Variants in GPHN observed in about 807,000 individuals in gnomAD.
GPHN encodes the protein gephyrin.
A neutral mutation model predicts 95.5 loss-of-function variants in GPHN; 17 were observed. The observed-to-expected ratio is 0.18, with a 90% CI of 0.12 to 0.27. The LOEUF is 0.27. GPHN is among the 10% of genes least tolerant of loss of function. The pLI is 1.00. For missense variants in GPHN, 660 were observed against 978.1 expected (o/e 0.67, Z 4.34); for synonymous variants, 320 against 322.5 (o/e 0.99, Z 0.08).
chr14:67,393,016 A>G, the GPHN span: 45 of 881,072 alleles, frequency 5.1e-5, no homozygotes, highest in South Asian at 6.2e-4. Flanking sequence ...ACACCCACAC[A>G]TGGCCATCTC....
chr14:66,717,020 A>G (rs2070246777), intron 2 of GPHN, among the ~76,000 whole-genome samples: 1 of 152,122 alleles, frequency 6.6e-6, no homozygotes, highest in Non-Finnish European at 1.5e-5. Flanking sequence ...TAAATTTTCC[A>G]GGTGTTCTTT....
the GPHN span, chr14:67,360,002 A>T: frequency 3.8e-6 from 2 of 531,098 alleles, no homozygotes; most frequent in South Asian, 5.2e-5. Flanking sequence ...CGGCTGCGCA[A>T]TACGCGGCAC....
At chr14:67,053,642 C>G (rs1385292302) in intron 10 of GPHN, among the ~76,000 whole-genome samples, 3 of 152,152 alleles carry the variant, frequency 2.0e-5, no homozygotes. Context: ...ATATCAAAAC[C>G]TGGCAGAGAT....
the GPHN span, among the ~76,000 whole-genome samples, chr14:67,504,614 C>T: frequency 5.9e-5 from 9 of 152,090 alleles, no homozygotes; most frequent in Non-Finnish European, 1.0e-4. Flanking sequence ...AGGCCATGTG[C>T]GGTGGCTCAC....
At chr14:67,100,392 T>TA (rs1252043966) in intron 12 of GPHN, among the ~76,000 whole-genome samples, 2 of 152,200 alleles carry the variant, frequency 1.3e-5, no homozygotes, top group Non-Finnish European at 2.9e-5. Flanking sequence ...ATGAAGTTGT[T>TA]AAAATGTTAT....
At chr14:66,536,339 C>T (rs2059143895) in intron 1 of GPHN, among the ~76,000 whole-genome samples, 1 of 152,126 alleles carries the variant, frequency 6.6e-6, no homozygotes, top group Admixed American at 6.5e-5. Context: ...ATCCTTAATT[C>T]TGTGATGTGG....
At chr14:66,589,177 A>G (rs2061540384) in intron 1 of GPHN, among the ~76,000 whole-genome samples, 1 of 152,198 alleles carries the variant, frequency 6.6e-6, no homozygotes, top group South Asian at 2.1e-4. Flanking sequence ...ACAGACAAGC[A>G]AATGCTGAGA....
the GPHN span, chr14:67,302,029 A>T: frequency 1.9e-6 from 3 of 1,611,764 alleles, no homozygotes; most frequent in Non-Finnish European, 2.5e-6. Flanking sequence ...AGAGCCCATT[A>T]CAGATGAGAG....
At chr14:66,518,949 A>G (rs992560023) in intron 1 of GPHN, among the ~76,000 whole-genome samples, 14 of 152,166 alleles carry the variant, frequency 9.2e-5, no homozygotes, top group Admixed American at 6.5e-5. Context: ...TAACAGTAAT[A>G]TATAGTTTCA....
chr14:67,174,303 TC>T (rs2082785635), intron 21 of GPHN, among the ~76,000 whole-genome samples: 1 of 131,250 alleles, frequency 7.6e-6, no homozygotes, highest in Admixed American at 9.1e-5. Flanking sequence ...ATTGTTCAAC[TC>T]CCACTTATGA....
At chr14:67,172,598 C>T (rs1424125018) in intron 21 of GPHN, among the ~76,000 whole-genome samples, 2 of 152,230 alleles carry the variant, frequency 1.3e-5, no homozygotes, top group African/African-American at 4.8e-5. Flanking sequence ...TACCCACAAC[C>T]CAGGGAAACA....
At chr14:66,585,988 G>A (rs1467708824) in intron 1 of GPHN, among the ~76,000 whole-genome samples, 1 of 151,986 alleles carries the variant, frequency 6.6e-6, no homozygotes, top group African/African-American at 2.4e-5. Flanking sequence ...TGACAGTGGG[G>A]TGTTAAAGTC....
the GPHN span, chr14:67,387,153 G>T: frequency 1.8e-6 from 1 of 545,090 alleles, no homozygotes; most frequent in East Asian, 3.6e-5. Flanking sequence ...ACATGAAGAT[G>T]GGGAAGGAAA....
At chr14:67,082,076 TG>T in intron 11 of GPHN, among the ~76,000 whole-genome samples, 1 of 152,310 alleles carries the variant, frequency 6.6e-6, no homozygotes, top group African/African-American at 2.4e-5. Context: ...GCTTTGGCTG[TG>T]TGGGCTCCTT....
intron 2 of GPHN, among the ~76,000 whole-genome samples, chr14:66,694,833 CA>C (rs2068011292): frequency 1.3e-5 from 2 of 152,120 alleles, no homozygotes; most frequent in African/African-American, 4.8e-5. Flanking sequence ...TAAAAATATA[CA>C]AGAACTCCTA....
At chr14:66,721,969 AAAG>A (rs1452981927) in intron 2 of GPHN, among the ~76,000 whole-genome samples, 1 of 151,104 alleles carries the variant, frequency 6.6e-6, no homozygotes, top group Non-Finnish European at 1.5e-5. Context: ...AAAAAAAAAA[AAAG>A]GAAAAAAAAG....
intron 3 of GPHN, among the ~76,000 whole-genome samples, chr14:66,780,656 T>G (rs1196456107): frequency 6.6e-6 from 1 of 152,126 alleles, no homozygotes; most frequent in Non-Finnish European, 1.5e-5. Context: ...TGGTATTATA[T>G]CTAAAATAAC....
At chr14:67,077,121 TA>T (rs1439727924) in intron 11 of GPHN, among the ~76,000 whole-genome samples, 2 of 152,340 alleles carry the variant, frequency 1.3e-5, no homozygotes, top group South Asian at 4.1e-4. Flanking sequence ...TGACTTGTGA[TA>T]ATTTGACTTG....
At chr14:67,293,731 GACATATTTGAGAAC>G in the GPHN span, among the ~76,000 whole-genome samples, 101 of 152,268 alleles carry the variant, frequency 6.6e-4, 1 homozygote, top group South Asian at 1.4e-3. Context: ...GTAAAAATAT[GACATATTTGAGAAC>G]ACACAGGCAA....
Sources: allele counts gnomAD v4.1 joint callset (sites outside exome capture counted in the v4.1 genomes callset), GRCh38; gene constraint gnomAD v4.1.1; transcripts MANE v1.5; gene names NCBI Gene and HGNC (gene_info 2026-07-23, HGNC 2026-07-21).